The following SKAP2 variants were observed in gnomAD, a reference collection of about 807,000 sequenced individuals.
The protein encoded by SKAP2 is src kinase-associated phosphoprotein 2.
Under a neutral mutation model 54.9 loss-of-function variants are expected in SKAP2, and 28 were observed. That is an observed-to-expected ratio of 0.51 (90% CI 0.38 to 0.70). SKAP2 has a LOEUF of 0.70. SKAP2 is among the 30% of genes least tolerant of loss of function. The pLI is 0.00. For missense variants in SKAP2, 356 were observed against 424.1 expected, an observed-to-expected ratio of 0.84 and a Z score of 1.41; for synonymous variants, 137 against 134.3, an observed-to-expected ratio of 1.02 and a Z score of -0.14.
At chr7:26,788,650 A>C (rs1167758415) in intron 4 of SKAP2, among the ~76,000 whole-genome samples, 2 of 152,172 alleles carry the variant, frequency 1.3e-5, no homozygotes, top group African/African-American at 4.8e-5. Flanking sequence ...AAGAAAGCTG[A>C]CTTTTTGTTA....
intron 9 of SKAP2, among the ~76,000 whole-genome samples, chr7:26,692,433 T>C (rs1191341434): frequency 1.3e-5 from 2 of 152,148 alleles, no homozygotes; most frequent in African/African-American, 4.8e-5. Context: ...AGGAGTCTCC[T>C]GAAAATGTTA....
At chr7:26,798,485 C>T (rs1299713899) in intron 4 of SKAP2, among the ~76,000 whole-genome samples, 2 of 151,984 alleles carry the variant, frequency 1.3e-5, no homozygotes. Context: ...TTCATCAATA[C>T]CAGACCTGTC....
Position 26,864,540 on chromosome 7 carries a change from C to A in SKAP2, c.-111G>T. ...GGCTAGCGGCCCGGATTAAGAACAG[C>A]GGGGCTACGAGTCGGGACACTGCCG... On this transcript the variant is annotated 5_prime_UTR_variant, in exon 1 of 13. Transcript: ENST00000345317. 1 of 1,464,466 alleles carries A rather than the reference C, an allele frequency of 6.8e-7. No homozygotes were observed. Among genetic ancestry groups the A allele is most frequent in the East Asian group, 2.5e-5 (1 of 39,314 alleles). The allele number at this position is 1,464,466 out of a possible 1,614,324, so 90.7% of individuals were successfully genotyped here.
chr7:26,670,054 T>G, intron 12 of SKAP2, 37 bp downstream of exon 12: 158 of 845,884 alleles, frequency 1.9e-4, no homozygotes, highest in Non-Finnish European at 3.0e-4. Flanking sequence ...AGAGAACATA[T>G]GAGCTATTAC....
chr7:26,847,495 T>C (rs1784950357), intron 3 of SKAP2, among the ~76,000 whole-genome samples: 1 of 151,370 alleles, frequency 6.6e-6, no homozygotes, highest in Non-Finnish European at 1.5e-5. Context: ...AAGACTTCGA[T>C]AAATTAAAAA....
At chr7:26,775,559 G>C (rs190618391) in intron 4 of SKAP2, among the ~76,000 whole-genome samples, 8,053 of 148,088 alleles carry the variant, frequency 0.054, 724 homozygotes, top group African/African-American at 0.19. Flanking sequence ...GTGTGTGTGT[G>C]TGTGTGTGTG....
At chr7:26,772,782 T>G (rs917277050) in intron 4 of SKAP2, among the ~76,000 whole-genome samples, 5 of 152,216 alleles carry the variant, frequency 3.3e-5, no homozygotes, top group African/African-American at 1.2e-4. Context: ...ACCAAGTATT[T>G]TTATGGCCTG....
At chr7:26,696,329 T>A (rs1786894679) in intron 9 of SKAP2, among the ~76,000 whole-genome samples, 1 of 152,176 alleles carries the variant, frequency 6.6e-6, no homozygotes. Context: ...GTTAGAGTCA[T>A]GTTTACTCTT....
chr7:26,805,714 C>T (rs927120358), intron 4 of SKAP2, among the ~76,000 whole-genome samples: 4 of 152,202 alleles, frequency 2.6e-5, no homozygotes, highest in African/African-American at 9.7e-5. Context: ...AAAATTCTGA[C>T]TGCAATTTCA....
At chr7:26,698,309 G>A (rs1012646784) in intron 9 of SKAP2, among the ~76,000 whole-genome samples, 2 of 152,196 alleles carry the variant, frequency 1.3e-5, no homozygotes, top group Admixed American at 1.3e-4. Flanking sequence ...TACCAGCAGT[G>A]CTTTCCAAGA....
chr7:26,680,662 T>TA (rs906071354), intron 11 of SKAP2, among the ~76,000 whole-genome samples: 1 of 152,114 alleles, frequency 6.6e-6, no homozygotes, highest in African/African-American at 2.4e-5. Flanking sequence ...TTTTAACACA[T>TA]AAAAAAACAG....
chr7:26,837,266 A>G (rs1046832834), intron 4 of SKAP2, among the ~76,000 whole-genome samples: 4 of 152,184 alleles, frequency 2.6e-5, no homozygotes, highest in African/African-American at 9.7e-5. Flanking sequence ...GCAAACCACC[A>G]TGGCACATGT....
At chr7:26,839,420 T>C (rs1784776473) in intron 4 of SKAP2, among the ~76,000 whole-genome samples, 1 of 152,076 alleles carries the variant, frequency 6.6e-6, no homozygotes, top group African/African-American at 2.4e-5. Flanking sequence ...ATTTGGCATA[T>C]TAAGACAACC....
chr7:26,702,204 G>C (rs1485966433), intron 9 of SKAP2, among the ~76,000 whole-genome samples: 1 of 151,986 alleles, frequency 6.6e-6, no homozygotes, highest in African/African-American at 2.4e-5. Context: ...ACCCAAGTTG[G>C]AGTGCAGTGG....
chr7:26,802,806 A>T (rs1488497761), intron 4 of SKAP2, among the ~76,000 whole-genome samples: 1 of 152,016 alleles, frequency 6.6e-6, no homozygotes, highest in Non-Finnish European at 1.5e-5. Flanking sequence ...GCTTGAACCC[A>T]GAAGACAGAG....
intron 11 of SKAP2, among the ~76,000 whole-genome samples, chr7:26,674,464 T>C (rs1786309551): frequency 6.6e-6 from 1 of 152,192 alleles, no homozygotes; most frequent in Admixed American, 6.5e-5. Context: ...CATACATTCA[T>C]TGTTTCAAAA....
chr7:26,809,014 A>G (rs979104094), intron 4 of SKAP2, among the ~76,000 whole-genome samples: 1 of 152,230 alleles, frequency 6.6e-6, no homozygotes, highest in Non-Finnish European at 1.5e-5. Context: ...GAGACAGCCT[A>G]TGGAATAGGA....
At chr7:26,721,827 C>G (rs1369074066) in intron 9 of SKAP2, among the ~76,000 whole-genome samples, 2 of 152,072 alleles carry the variant, frequency 1.3e-5, no homozygotes, top group Non-Finnish European at 2.9e-5. Flanking sequence ...AAGAGAAGAG[C>G]AAACAGGGTT....
intron 6 of SKAP2, among the ~76,000 whole-genome samples, chr7:26,727,912 T>C (rs551927604): frequency 2.0e-5 from 3 of 152,276 alleles, no homozygotes; most frequent in African/African-American, 7.2e-5. Flanking sequence ...CAAACTCTTT[T>C]ACTGAGCTCG....
Sources: gnomAD v4.1 joint callset for allele counts (sites outside exome capture counted in the v4.1 genomes callset) on GRCh38, gnomAD v4.1.1 for gene constraint, MANE v1.5 for transcripts, NCBI Gene and HGNC (gene_info 2026-07-23, HGNC 2026-07-21) for gene names.